Variants in PRKCA observed in about 807,000 individuals in gnomAD.
The protein encoded by PRKCA is protein kinase C alpha type.
In PRKCA, 27 loss-of-function variants were observed where a neutral mutation model predicts 87.0. The observed-to-expected ratio is 0.31, with a 90% CI of 0.23 to 0.43. The LOEUF (loss-of-function observed/expected upper bound fraction) is 0.43. PRKCA is among the 20% of genes least tolerant of loss of function. The probability of loss-of-function intolerance (pLI) is 1.00; values close to 1 mark genes in which losing one functional copy is unlikely to be tolerated. For missense variants in PRKCA, 518 were observed against 852.3 expected, an observed-to-expected ratio of 0.61 and a Z score of 4.88; for synonymous variants, 329 against 311.1, an observed-to-expected ratio of 1.06 and a Z score of -0.61.
At chr17:66,660,915 A>T (rs570197319) in intron 5 of PRKCA, among the ~76,000 whole-genome samples, 83 of 151,840 alleles carry the variant, frequency 5.5e-4, no homozygotes, top group African/African-American at 1.7e-3. Context: ...TCTTAAAAAT[A>T]AATTAATTAA....
chr17:66,705,176 A>T (rs1156602992), intron 8 of PRKCA, among the ~76,000 whole-genome samples: 1 of 152,222 alleles, frequency 6.6e-6, no homozygotes, highest in Admixed American at 6.5e-5. Flanking sequence ...AAGGGGGAAA[A>T]AAATCTATAA....
intron 3 of PRKCA, among the ~76,000 whole-genome samples, chr17:66,542,089 T>C (rs1267699436): frequency 1.3e-5 from 2 of 152,238 alleles, no homozygotes; most frequent in Non-Finnish European, 2.9e-5. Flanking sequence ...AGTCATTTCA[T>C]GCTTTTAAAA....
chr17:66,682,772 A>G (rs1057046304), intron 5 of PRKCA, among the ~76,000 whole-genome samples: 2 of 152,204 alleles, frequency 1.3e-5, no homozygotes, highest in African/African-American at 4.8e-5. Flanking sequence ...TGGTTCTTGC[A>G]GAAAGTGAAA....
intron 2 of PRKCA, among the ~76,000 whole-genome samples, chr17:66,358,584 A>G (rs1442071213): frequency 6.7e-6 from 1 of 150,260 alleles, no homozygotes; most frequent in Non-Finnish European, 1.5e-5. Context: ...CTTGCTGTTG[A>G]CAGTGTAGCA....
chr17:66,320,814 A>G (rs1167563911), intron 2 of PRKCA, among the ~76,000 whole-genome samples: 1 of 152,232 alleles, frequency 6.6e-6, no homozygotes, highest in African/African-American at 2.4e-5. Flanking sequence ...ATACACACAT[A>G]CAAATAAATT....
intron 14 of PRKCA, among the ~76,000 whole-genome samples, chr17:66,785,487 C>G (rs1158079388): frequency 6.6e-6 from 1 of 152,186 alleles, no homozygotes; most frequent in Non-Finnish European, 1.5e-5. Context: ...TGTACAAGCG[C>G]TGGTCCTTGC....
intron 3 of PRKCA, among the ~76,000 whole-genome samples, chr17:66,517,913 C>G (rs531955259): frequency 6.6e-6 from 1 of 152,270 alleles, no homozygotes; most frequent in South Asian, 2.1e-4. Flanking sequence ...CATCTAACAG[C>G]TAGGATATTT....
intron 2 of PRKCA, among the ~76,000 whole-genome samples, chr17:66,479,998 TA>T (rs5821521): frequency 0.11 from 15,230 of 144,634 alleles, 1,157 homozygotes; most frequent in African/African-American, 0.22. Context: ...CCCCTGAACT[TA>T]AAAAAAAAAA....
chr17:66,329,876 C>G (rs991175871), intron 2 of PRKCA, among the ~76,000 whole-genome samples: 2 of 152,132 alleles, frequency 1.3e-5, no homozygotes, highest in African/African-American at 4.8e-5. Flanking sequence ...TGTCTTTGAT[C>G]GAAATGTCGA....
At chr17:66,315,772 G>A (rs933320223) in intron 2 of PRKCA, among the ~76,000 whole-genome samples, 4 of 152,176 alleles carry the variant, frequency 2.6e-5, no homozygotes, top group East Asian at 1.9e-4. Flanking sequence ...GAGCCACCAC[G>A]TCCAGCCGGA....
At chr17:66,473,956 A>G (rs1022348695) in intron 2 of PRKCA, among the ~76,000 whole-genome samples, 6 of 152,156 alleles carry the variant, frequency 3.9e-5, no homozygotes, top group African/African-American at 1.4e-4. Flanking sequence ...AAAACAAAAA[A>G]GCTCAAGCCA....
At position 66,417,832 on chromosome 17, in the gene PRKCA, A is replaced by G. The variant is rs139145624; in HGVS notation, c.206-78369A>G. Among the ~76,000 whole-genome samples, 706 of 152,264 alleles carry G rather than the reference A, an allele frequency of 4.6e-3. 10 individuals carry two copies. Among genetic ancestry groups the G allele is most frequent in the African/African-American group, 0.016 (663 of 41,548 alleles). On this transcript the variant is annotated intron_variant, in intron 2 of 16. Coordinates refer to ENST00000413366, the MANE Select transcript of PRKCA (RefSeq NM_002737.3). ...TCTTCATGGCAAAAAAGAGTCCTAGAGTTGCTCAGGCCATTCTTTGGTTCA... is the reference window on the plus strand; with the variant it reads ...TCTTCATGGCAAAAAAGAGTCCTAGGGTTGCTCAGGCCATTCTTTGGTTCA...
chr17:66,398,379 C>G (rs962058537), intron 2 of PRKCA, among the ~76,000 whole-genome samples: 5 of 152,188 alleles, frequency 3.3e-5, no homozygotes, highest in African/African-American at 9.7e-5. Flanking sequence ...AAAACCCAAC[C>G]ACACTTTTGA....
chr17:66,512,994 C>T lies in PRKCA; in HGVS notation c.288+16711C>T, dbSNP rs141822544. On this transcript the variant is annotated intron_variant, in intron 3 of 16. Coordinates refer to ENST00000413366, the MANE Select transcript of PRKCA (RefSeq NM_002737.3). ...AGGCGTGAGCCGCCGCACCTGGTCC[C>T]CCTCATTATTTTCTATTACTTTATG... is the stretch of plus-strand genomic sequence containing the variant. 4.0e-3 allele frequency among the ~76,000 whole-genome samples: 606 copies of T among 152,286 alleles called. 3 individuals carry two copies. Among genetic ancestry groups the T allele is most frequent in the Admixed American group, 6.6e-3 (101 of 15,284 alleles).
chr17:66,380,896 C>T (rs1053870044), intron 2 of PRKCA, among the ~76,000 whole-genome samples: 3 of 151,668 alleles, frequency 2.0e-5, no homozygotes, highest in African/African-American at 7.3e-5. Context: ...ATAAGATTTA[C>T]ATTTGTTCCT....
chr17:66,726,645 C>A (rs749913330), intron 8 of PRKCA, among the ~76,000 whole-genome samples: 1 of 151,260 alleles, frequency 6.6e-6, no homozygotes, highest in African/African-American at 2.4e-5. Flanking sequence ...CAGAGCAGAG[C>A]GAGTGTCCTC....
intron 5 of PRKCA, among the ~76,000 whole-genome samples, chr17:66,648,315 G>T (rs564549222): frequency 6.6e-6 from 1 of 152,218 alleles, no homozygotes; most frequent in African/African-American, 2.4e-5. Flanking sequence ...ACAGCAAATA[G>T]TAGCAGCAGC....
chr17:66,508,048 C>T (rs1322026166), intron 3 of PRKCA, among the ~76,000 whole-genome samples: 1 of 152,120 alleles, frequency 6.6e-6, no homozygotes, highest in Admixed American at 6.6e-5. Flanking sequence ...GAGCCAGAAC[C>T]AATCATAACA....
chr17:66,365,133 T>C (rs1908624882), intron 2 of PRKCA, among the ~76,000 whole-genome samples: 1 of 152,230 alleles, frequency 6.6e-6, no homozygotes, highest in Non-Finnish European at 1.5e-5. Context: ...GTTCCTAGAA[T>C]AGGCTCTCGC....
Sources: gnomAD v4.1 joint callset for allele counts (sites outside exome capture counted in the v4.1 genomes callset) on GRCh38, gnomAD v4.1.1 for gene constraint, MANE v1.5 for transcripts, NCBI Gene and HGNC (gene_info 2026-07-23, HGNC 2026-07-21) for gene names.